CCDC81: variants seen among roughly 807,000 people sequenced by gnomAD.
CCDC81 encodes coiled-coil domain-containing protein 81.
CCDC81 carries 79 observed loss-of-function variants against 83.7 expected under a neutral mutation model. That is an observed-to-expected ratio of 0.94 (90% confidence interval 0.79 to 1.14). The LOEUF (loss-of-function observed/expected upper bound fraction) is 1.14. Among genes scored for constraint, CCDC81 ranks in the 50% most tolerant of loss-of-function variants. The pLI is 0.00. For synonymous variants in CCDC81, 252 were observed against 278.1 expected (o/e 0.91, Z 0.93); for missense variants, 791 against 778.1 (o/e 1.02, Z -0.20).
intron 1 of CCDC81, among the ~76,000 whole-genome samples, chr11:86,378,968 C>G (rs1948136068): frequency 6.6e-6 from 1 of 152,106 alleles, no homozygotes; most frequent in African/African-American, 2.4e-5. Flanking sequence ...AAAGTGATTA[C>G]TGATATAGCT....
chr11:86,408,795 C>A (rs1351234775), intron 9 of CCDC81, among the ~76,000 whole-genome samples: 3 of 152,148 alleles, frequency 2.0e-5, no homozygotes, highest in Non-Finnish European at 4.4e-5. Flanking sequence ...TTGCACATAT[C>A]ACTGATTTTC....
chr11:86,375,291 C>A, intron 1 of CCDC81, 49 bp downstream of exon 1: 1 of 1,516,440 alleles, frequency 6.6e-7, no homozygotes. Context: ...GAATCTTCAT[C>A]TGCTTGCAGG....
rs183434434 is a variant in CCDC81, at chr11:86,398,033, A to G, written c.757+291A>G. 2.6e-5 allele frequency among the ~76,000 whole-genome samples: 4 copies of G among 152,052 alleles called. No individual in the cohort carries two copies. The East Asian group carries it at 7.7e-4, about 29-fold the overall frequency. Reference sequence around the variant, plus strand: ...CCTGGTTAATTTCTTTATCTTTTGTATAGATGGGCCAGGCTGGTCTCAAAC... The same window carrying G: ...CCTGGTTAATTTCTTTATCTTTTGTGTAGATGGGCCAGGCTGGTCTCAAAC... On this transcript the variant is annotated intron_variant, in intron 6 of 14. Transcript: ENST00000445632.
intron 6 of CCDC81, among the ~76,000 whole-genome samples, chr11:86,397,958 T>C (rs921457081): frequency 2.2e-4 from 33 of 152,020 alleles, no homozygotes; most frequent in African/African-American, 7.7e-4. Flanking sequence ...CAAGCGACTC[T>C]CCTGCCTCAG....
intron 1 of CCDC81, among the ~76,000 whole-genome samples, chr11:86,378,796 T>A (rs1948133598): frequency 2.0e-5 from 3 of 152,218 alleles, no homozygotes; most frequent in South Asian, 4.1e-4. Flanking sequence ...TACTTTCTTT[T>A]GATAAGTATT....
intron 4 of CCDC81, 37 bp from the exon 5 acceptor site, chr11:86,395,297 A>G (rs749289321): frequency 1.3e-5 from 21 of 1,565,500 alleles, no homozygotes; most frequent in Non-Finnish European, 1.8e-5. Flanking sequence ...CCTGGACCTC[A>G]GCCTAGATGT....
intron 7 of CCDC81, among the ~76,000 whole-genome samples, chr11:86,402,767 C>A (rs757178608): frequency 6.6e-6 from 1 of 151,990 alleles, no homozygotes; most frequent in East Asian, 1.9e-4. Flanking sequence ...TTGCTAATAC[C>A]ATAGCAAAGT....
chr11:86,379,118 A>T (rs1345472701), intron 1 of CCDC81, among the ~76,000 whole-genome samples: 1 of 147,668 alleles, frequency 6.8e-6, no homozygotes, highest in Non-Finnish European at 1.5e-5. Flanking sequence ...TTTTTTTGAG[A>T]CATAGTCTTG....
chr11:86,397,466 G>T (rs1373931464), intron 5 of CCDC81, among the ~76,000 whole-genome samples, 155 bp from the exon 6 acceptor site: 1 of 152,208 alleles, frequency 6.6e-6, no homozygotes, highest in East Asian at 1.9e-4. Flanking sequence ...ATTAATCTAT[G>T]ATATGTACTT....
chr11:86,422,948 G>A lies in CCDC81; in HGVS notation c.*233G>A, dbSNP rs1948816055. 2.1e-5 allele frequency: 10 copies of A among 471,334 alleles called. No individual in the cohort carries two copies. The South Asian group carries it at 2.7e-4, about 13-fold the overall frequency. 29.2% of individuals were successfully genotyped at this position (471,334 alleles called of 1,614,324 possible). A position where few individuals can be genotyped will look rare whatever the true frequency, so the allele number is the denominator to read the frequency against. ...AGTGAAGGTGTCTGAATGGTCCTGA[G>A]GGCTAGAACCTGCTGCACAGGGGCT... On this transcript the variant is annotated 3_prime_UTR_variant, in exon 15 of 15. Transcript: ENST00000445632.
At chr11:86,390,029 C>G (rs1251006720) in intron 3 of CCDC81, among the ~76,000 whole-genome samples, 1 of 152,080 alleles carries the variant, frequency 6.6e-6, no homozygotes, top group Non-Finnish European at 1.5e-5. Context: ...TGCTTGAACC[C>G]CAGAGGCGGA....
Position 86,396,037 on chromosome 11 carries a change from A to T in CCDC81, c.635+624A>T, listed in dbSNP as rs375162524. ...CTTCTCACCTGCTGAACTTTCCACT[A>T]CTTTGTACCACTTCTTCTGCCCTAG... On this transcript the variant is annotated intron_variant, in intron 5 of 14. Transcript: ENST00000445632. Among the ~76,000 whole-genome samples the T allele has an allele frequency of 5.0e-4, 76 of 152,158 alleles. 2 individuals carry two copies. In the South Asian group the frequency reaches 0.016, roughly 31 times the overall value.
chr11:86,384,128 G>T (rs1215697691), intron 1 of CCDC81, among the ~76,000 whole-genome samples: 1 of 152,208 alleles, frequency 6.6e-6, no homozygotes, highest in African/African-American at 2.4e-5. Flanking sequence ...GTGAAAGACT[G>T]TTAGAGTCAT....
chr11:86,393,622 T>G (rs1389576167), intron 4 of CCDC81, among the ~76,000 whole-genome samples: 1 of 152,222 alleles, frequency 6.6e-6, no homozygotes, highest in Admixed American at 6.5e-5. Flanking sequence ...AAAATCTAAT[T>G]TGAGTCATGG....
rs745740953 is a variant in CCDC81, at chr11:86,392,561, C to G, written c.319C>G (p.Leu107Val). ...YTPGEIPIVP[L>V]NFVMISLEGP... ...TTTAGGTGAAATCCCAATTGTTCCA[C>G]TTAATTTTGTCATGATATCCCTGGA... is the stretch of plus-strand genomic sequence containing the variant. Residue 107 changes from leucine to valine, a missense_variant, in exon 4 of 15, where the codon CTT becomes GTT. Physicochemically the swap from Leu to Val is conservative, Grantham distance 32. Transcript: ENST00000445632. 1.3e-5 allele frequency: 20 copies of G among 1,551,270 alleles called. No homozygotes were observed. In the African/African-American group the frequency reaches 2.1e-4, roughly 16 times the overall value.
At chr11:86,385,904 C>A in intron 1 of CCDC81, 147 bp from the exon 2 acceptor site, 1 of 335,036 alleles carries the variant, frequency 3.0e-6, no homozygotes, top group Admixed American at 4.3e-5. Flanking sequence ...TGGGAATGGC[C>A]TTGTTTTTTG....
At chr11:86,407,171 G>C (rs1435249324) in intron 7 of CCDC81, among the ~76,000 whole-genome samples, 1 of 152,172 alleles carries the variant, frequency 6.6e-6, no homozygotes, top group Non-Finnish European at 1.5e-5. Flanking sequence ...ATACTATAGA[G>C]TGCACTTATT....
intron 4 of CCDC81, 64 bp from the exon 5 acceptor site, chr11:86,395,270 T>G (rs1593919143): frequency 7.4e-7 from 1 of 1,345,928 alleles, no homozygotes; most frequent in South Asian, 1.2e-5. Context: ...AGCCTGCAGT[T>G]TTTAATTTGT....
intron 10 of CCDC81, among the ~76,000 whole-genome samples, chr11:86,411,271 A>C (rs1398523967): frequency 6.6e-6 from 1 of 151,846 alleles, no homozygotes; most frequent in African/African-American, 2.4e-5. Context: ...GCTTGTTTCC[A>C]TCTAGTGTCT....
Sources: gnomAD v4.1 joint callset for allele counts (sites outside exome capture counted in the v4.1 genomes callset) on GRCh38, gnomAD v4.1.1 for gene constraint, MANE v1.5 for transcripts, NCBI Gene and HGNC (gene_info 2026-07-23, HGNC 2026-07-21) for gene names.